Variants in AMELY observed in about 807,000 individuals in gnomAD.
The protein encoded by AMELY is amelogenin Y-linked, also known as amelogenin, Y isoform.
In AMELY, 4 loss-of-function variants were observed where a neutral mutation model predicts 4.2. The ratio of observed to expected loss-of-function variants is 0.96; its 90% CI spans 0.47 to 2.19. AMELY has a LOEUF of 2.19. Among genes scored for constraint, AMELY ranks in the 30% most tolerant of loss-of-function variants. The pLI is 0.02. For missense variants in AMELY, 32 were observed against 41.5 expected (o/e 0.77, Z 0.63); for synonymous variants, 11 against 14.7 (o/e 0.75, Z 0.57).
chrY:6,911,466 G>A, intron 1 of AMELY, among the ~76,000 whole-genome samples: 1 of 34,473 alleles, frequency 2.9e-5, no homozygotes, highest in African/African-American at 1.1e-4. Context: ...AAGCGCAGTC[G>A]CGCAGAGCGG....
intron 1 of AMELY, among the ~76,000 whole-genome samples, chrY:6,895,344 C>T: frequency 9.0e-5 from 3 of 33,267 alleles, no homozygotes; most frequent in Admixed American, 2.8e-4. Flanking sequence ...ACCTGATGGA[C>T]TCCATTTAGC....
At chrY:6,873,886 T>A in intron 2 of AMELY, 86 bp downstream of exon 2, 2 of 32,801 alleles carry the variant, frequency 6.1e-5, no homozygotes, top group Admixed American at 5.5e-4. Flanking sequence ...ATTAGAAACA[T>A]GGAATTTATT....
intron 1 of AMELY, among the ~76,000 whole-genome samples, chrY:6,899,646 T>C: frequency 6.2e-5 from 2 of 32,035 alleles, no homozygotes; most frequent in African/African-American, 2.5e-4. Context: ...GGCAGGAGAA[T>C]TGCTTCAACT....
Position 6,897,025 on chromosome Y carries a change from A to C in AMELY, c.-113+14648T>G, listed in dbSNP as rs775092562. On this transcript the variant is annotated intron_variant, in intron 1 of 6. Coordinates refer to ENST00000651267, the MANE Select transcript of AMELY (RefSeq NM_001143.2). The stretch of plus-strand genomic sequence containing the variant: ...GGAGAAGTAGTCACAGAAAGTTTCA[A>C]GGCTAAAGTCTTGGAAACTGAGAAA... 2.7e-4 allele frequency among the ~76,000 whole-genome samples: 9 copies of C among 33,590 alleles called. No homozygotes were observed. In the Middle Eastern group the frequency reaches 0.13, roughly 480 times the overall value. 90.1% of individuals were successfully genotyped at this position (33,590 alleles called of 37,273 possible).
chrY:6,904,636 G>A (rs2011658055), intron 1 of AMELY, among the ~76,000 whole-genome samples: 1 of 33,404 alleles, frequency 3.0e-5, no homozygotes, highest in Non-Finnish European at 7.4e-5. Flanking sequence ...CAGGGTGGCA[G>A]GGGTGGAGAC....
chrY:6,885,641 G>A, intron 1 of AMELY, among the ~76,000 whole-genome samples: 1 of 34,152 alleles, frequency 2.9e-5, no homozygotes, highest in African/African-American at 1.1e-4. Flanking sequence ...GCCCACTGAT[G>A]GCAGATTGGA....
rs746281657 is a variant in AMELY at position 6,868,111 on chromosome Y, G to A, written c.499C>T (p.Pro167Ser). The A allele has an allele frequency of 2.5e-6, 1 of 394,124 alleles. No homozygotes were observed. Among genetic ancestry groups the A allele is most frequent in the Non-Finnish European group, 3.5e-6 (1 of 282,135 alleles). ...AGATCAGGAAGTATGGGGGGCAGGG[G>A]CCGCAGGGGGAACATTGGAGGCAGA... is the stretch of plus-strand genomic sequence containing the variant. The part of the protein sequence containing the change: ...PPLPPMFPLR[P>S]LPPILPDLHL... Residue 167 changes from proline (P) to serine (S), a missense_variant, in exon 6 of 7, where the codon CCC becomes TCC. Coordinates refer to ENST00000651267, the MANE Select transcript of AMELY (RefSeq NM_001143.2).
intron 1 of AMELY, among the ~76,000 whole-genome samples, chrY:6,911,286 A>G: frequency 1.2e-4 from 4 of 34,298 alleles, no homozygotes; most frequent in African/African-American, 4.5e-4. Flanking sequence ...AAGTTTAGGA[A>G]AGTACTCGGT....
At chrY:6,887,127 CA>C (rs2054080582) in intron 1 of AMELY, among the ~76,000 whole-genome samples, 1 of 32,691 alleles carries the variant, frequency 3.1e-5, no homozygotes, top group Non-Finnish European at 7.5e-5. Context: ...AATAGTTCTT[CA>C]AATATGAAGG....
chrY:6,901,900 T>C, intron 1 of AMELY, among the ~76,000 whole-genome samples: 1 of 32,896 alleles, frequency 3.0e-5, no homozygotes, highest in Non-Finnish European at 7.4e-5. Flanking sequence ...CCTTTCCCAG[T>C]CCACTGACTC....
chrY:6,903,370 G>C (rs761650153), intron 1 of AMELY, among the ~76,000 whole-genome samples: 1 of 33,092 alleles, frequency 3.0e-5, no homozygotes, highest in African/African-American at 1.2e-4. Context: ...GTGGGAATAG[G>C]AAGCAAACAT....
Position 6,911,709 on chromosome Y carries a change from A to G in AMELY, c.-149T>C, listed in dbSNP as rs2011695899. ...AGGTTCTGGCGGGTCGGGGTCTGGCAGATCCTGGGTCCGGCCTTGCTTCCC... is the reference window on the plus strand; with the variant it reads ...AGGTTCTGGCGGGTCGGGGTCTGGCGGATCCTGGGTCCGGCCTTGCTTCCC... On this transcript the variant is annotated 5_prime_UTR_variant, in exon 1 of 7. Transcript: ENST00000651267. Among the ~76,000 whole-genome samples the G allele has an allele frequency of 2.9e-5, 1 of 34,284 alleles. No homozygotes were observed. Among genetic ancestry groups the G allele is most frequent in the South Asian group, 6.4e-4 (1 of 1,563 alleles). The allele number at this position is 34,284 out of a possible 37,273, so 92.0% of individuals were successfully genotyped here. A position where few individuals can be genotyped will look rare whatever the true frequency, so the allele number is the denominator to read the frequency against.
At chrY:6,887,427 A>T in intron 1 of AMELY, among the ~76,000 whole-genome samples, 1 of 33,885 alleles carries the variant, frequency 3.0e-5, no homozygotes, top group Non-Finnish European at 7.4e-5. Context: ...GATAATAGCA[A>T]CATTAAGGAG....
At chrY:6,902,127 C>A in intron 1 of AMELY, among the ~76,000 whole-genome samples, 1 of 33,311 alleles carries the variant, frequency 3.0e-5, no homozygotes. Flanking sequence ...CAATCCCCAA[C>A]CCAAATGCTA....
At chrY:6,905,985 A>G in intron 1 of AMELY, among the ~76,000 whole-genome samples, 1 of 33,164 alleles carries the variant, frequency 3.0e-5, no homozygotes, top group Non-Finnish European at 7.4e-5. Context: ...GAAGGAATCT[A>G]TTGGGAGGTG....
intron 1 of AMELY, among the ~76,000 whole-genome samples, chrY:6,885,642 G>T: frequency 1.2e-4 from 4 of 34,108 alleles, no homozygotes; most frequent in Non-Finnish European, 2.9e-4. Context: ...CCCACTGATG[G>T]CAGATTGGAT....
At chrY:6,878,911 C>T (rs1018315748) in intron 1 of AMELY, among the ~76,000 whole-genome samples, 1 of 33,462 alleles carries the variant, frequency 3.0e-5, no homozygotes, top group Non-Finnish European at 7.4e-5. Flanking sequence ...CTATCATTTG[C>T]TTAATCCAGT....
At chrY:6,908,456 CAAAAAAAAAAAAAA>C (rs1337838200) in intron 1 of AMELY, among the ~76,000 whole-genome samples, 3 of 1,824 alleles carry the variant, frequency 1.6e-3, no homozygotes, top group Admixed American at 0.013. Context: ...AGTCAGTCTC[CAAAAAAAAAAAAAA>C]AAAAAAAAAA....
intron 1 of AMELY, among the ~76,000 whole-genome samples, chrY:6,902,609 G>A (rs2054090012): frequency 3.2e-5 from 1 of 31,500 alleles, no homozygotes. Flanking sequence ...GGAGTGCAGT[G>A]GCCTGATCTT....
Sources: allele counts gnomAD v4.1 joint callset (sites outside exome capture counted in the v4.1 genomes callset), GRCh38; gene constraint gnomAD v4.1.1; transcripts MANE v1.5; gene names NCBI Gene and HGNC (gene_info 2026-07-23, HGNC 2026-07-21).